The following PKP4 variants were observed in gnomAD, a reference collection of about 807,000 sequenced individuals.
PKP4 encodes plakophilin-4.
Under a neutral mutation model 145.1 loss-of-function variants are expected in PKP4, and 90 were observed. The ratio of observed to expected loss-of-function variants is 0.62; its 90% CI spans 0.52 to 0.74. The LOEUF is 0.74. Among genes scored for constraint, PKP4 ranks in the 30% least tolerant of loss-of-function variants. The probability of loss-of-function intolerance (pLI) is 0.00; values close to 1 mark genes in which losing one functional copy is unlikely to be tolerated. For missense variants in PKP4, 1,340 were observed against 1,482.7 expected (o/e 0.90, Z 1.58); for synonymous variants, 563 against 577.2 (o/e 0.98, Z 0.35).
intron 2 of PKP4, among the ~76,000 whole-genome samples, chr2:158,545,183 T>C (rs182718837): frequency 1.9e-4 from 27 of 141,198 alleles, no homozygotes; most frequent in African/African-American, 5.0e-4. Flanking sequence ...ACTTCCCCCT[T>C]TGGGGGCTCA....
intron 4 of PKP4, among the ~76,000 whole-genome samples, chr2:158,617,873 T>G (rs1196594819): frequency 1.3e-5 from 2 of 152,216 alleles, no homozygotes; most frequent in Non-Finnish European, 2.9e-5. Flanking sequence ...CATTGGGCTC[T>G]ACTAAGGAAA....
chr2:158,571,186 C>T (rs987146109), intron 2 of PKP4, among the ~76,000 whole-genome samples: 1 of 152,160 alleles, frequency 6.6e-6, no homozygotes, highest in Non-Finnish European at 1.5e-5. Context: ...ATTAGCTGGA[C>T]TAACTTGAAG....
chr2:158,613,361 A>G (rs2051308206), intron 4 of PKP4, among the ~76,000 whole-genome samples: 1 of 152,228 alleles, frequency 6.6e-6, no homozygotes, highest in Non-Finnish European at 1.5e-5. Context: ...TCCTGCTGAT[A>G]AATGTAGAAA....
intron 1 of PKP4, among the ~76,000 whole-genome samples, chr2:158,471,939 T>G (rs1454054491): frequency 1.3e-5 from 2 of 152,192 alleles, no homozygotes; most frequent in Non-Finnish European, 2.9e-5. Flanking sequence ...CTGAAAGGTA[T>G]AGAGTAAAAA....
intron 12 of PKP4, 84 bp downstream of exon 12, chr2:158,658,398 A>G (rs1297037605): frequency 3.8e-6 from 3 of 796,274 alleles, no homozygotes; most frequent in East Asian, 5.2e-5. Flanking sequence ...GACTTACTTT[A>G]TTAACATCTA....
chr2:158,621,451 A>G (rs2052228679), intron 6 of PKP4, 30 bp downstream of exon 6: 1 of 1,592,874 alleles, frequency 6.3e-7, no homozygotes, highest in Non-Finnish European at 8.6e-7. Flanking sequence ...ATCTCTGCAA[A>G]GAAATACCTT....
rs2057766092 is a variant in PKP4, at chr2:158,673,736, G to A, written c.2984G>A (p.Arg995Gln). 2 of 1,612,586 alleles carry A rather than the reference G, an allele frequency of 1.2e-6. No individual in the cohort carries two copies. Among genetic ancestry groups the A allele is most frequent in the East Asian group, 2.2e-5 (1 of 44,876 alleles). ...AQVLNTLWQY[R>Q]DLRSIYKKDG... ...GTCTTGAATACATTATGGCAATATCGGGACCTCCGGAGCATTTATAAAAAG... is the reference window on the plus strand; with the variant it reads ...GTCTTGAATACATTATGGCAATATCAGGACCTCCGGAGCATTTATAAAAAG... Residue 995 changes from arginine to glutamine, a missense_variant, in exon 18 of 22, where the codon CGG (arginine) becomes CAG (glutamine). Coordinates refer to ENST00000389759, the MANE Select transcript of PKP4 (RefSeq NM_003628.6).
chr2:158,495,862 T>C lies in PKP4; in HGVS notation c.-5-37318T>C, dbSNP rs555238162. Among the ~76,000 whole-genome samples the C allele has an allele frequency of 3.3e-3, 484 of 148,848 alleles. 1 individual carries two copies. The highest frequency in any genetic ancestry group is 6.0e-3 in the Non-Finnish European group (398 of 66,276). On this transcript the variant is annotated intron_variant, in intron 1 of 21. Coordinates refer to ENST00000389759, the MANE Select transcript of PKP4 (RefSeq NM_003628.6). The stretch of plus-strand genomic sequence containing the variant: ...ATAAATAAATAAATAAATAAATAAA[T>C]AAATAAATAAATAAATAAGAGGGGT...
Position 158,631,950 on chromosome 2 carries a change from C to G in PKP4, c.1342+9C>G. The G allele has an allele frequency of 6.2e-7, 1 of 1,612,234 alleles. No homozygotes were observed. The highest frequency in any genetic ancestry group is 8.5e-7 in the Non-Finnish European group (1 of 1,179,208). On this transcript the variant is annotated intron_variant, in intron 8 of 21. Transcript: ENST00000389759. ...GTATCGCACAGGTTCAGGTGGGCATCAACTCTGTTTACTGGTTTCCTGATT... is the reference window on the plus strand; with the variant it reads ...GTATCGCACAGGTTCAGGTGGGCATGAACTCTGTTTACTGGTTTCCTGATT...
chr2:158,530,271 T>G (rs991258355), intron 1 of PKP4, among the ~76,000 whole-genome samples: 2 of 152,180 alleles, frequency 1.3e-5, no homozygotes, highest in Non-Finnish European at 1.5e-5. Flanking sequence ...TAGTTTGTAA[T>G]GTGAAGAGTC....
chr2:158,611,538 C>T (rs553362407), intron 4 of PKP4, among the ~76,000 whole-genome samples: 1 of 152,204 alleles, frequency 6.6e-6, no homozygotes, highest in African/African-American at 2.4e-5. Flanking sequence ...TTTTTTCCTC[C>T]ATCTGGTGCA....
chr2:158,529,666 G>C (rs2043335668), intron 1 of PKP4, among the ~76,000 whole-genome samples: 1 of 152,168 alleles, frequency 6.6e-6, no homozygotes. Flanking sequence ...TTAGGTTTGG[G>C]CAGTCTTGTT....
At chr2:158,619,031 G>A (rs113731298) in intron 4 of PKP4, among the ~76,000 whole-genome samples, 2,055 of 152,242 alleles carry the variant, frequency 0.013, 40 homozygotes, top group African/African-American at 0.038. Context: ...TTGCTAGTTC[G>A]TATTTGCTTT....
At chr2:158,619,140 T>C (rs937033976) in intron 4 of PKP4, among the ~76,000 whole-genome samples, 1 of 152,208 alleles carries the variant, frequency 6.6e-6, no homozygotes, top group Non-Finnish European at 1.5e-5. Context: ...TCCAATTCCT[T>C]GGTATTTTAC....
At chr2:158,557,099 A>G (rs1239555422) in intron 2 of PKP4, among the ~76,000 whole-genome samples, 1 of 152,100 alleles carries the variant, frequency 6.6e-6, no homozygotes, top group Non-Finnish European at 1.5e-5. Flanking sequence ...TGAGATTAAT[A>G]GTAATATATT....
intron 7 of PKP4, among the ~76,000 whole-genome samples, chr2:158,626,478 T>C (rs1276482178): frequency 6.6e-6 from 1 of 152,228 alleles, no homozygotes; most frequent in Non-Finnish European, 1.5e-5. Context: ...GTACATACAT[T>C]GTTCTCCCTG....
At chr2:158,530,049 A>G (rs1379726133) in intron 1 of PKP4, among the ~76,000 whole-genome samples, 1 of 152,118 alleles carries the variant, frequency 6.6e-6, no homozygotes, top group Non-Finnish European at 1.5e-5. Context: ...TTCCAGCCAC[A>G]TTTCTATGTT....
intron 2 of PKP4, among the ~76,000 whole-genome samples, chr2:158,553,673 T>C (rs2045826752): frequency 6.6e-6 from 1 of 152,184 alleles, no homozygotes; most frequent in Admixed American, 6.5e-5. Flanking sequence ...TTTGAAATTA[T>C]TTGGGAAAGG....
rs2056794412 is a variant in PKP4, at chr2:158,663,462, T to G, written c.2577+17T>G. 2 of 1,596,426 alleles carry G rather than the reference T, an allele frequency of 1.3e-6. No individual in the cohort carries two copies. Among genetic ancestry groups the G allele is most frequent in the Middle Eastern group, 1.7e-4 (1 of 5,988 alleles). On this transcript the variant is annotated intron_variant, in intron 15 of 21. Transcript: ENST00000389759. ...AACTGGAAGGTAGGATGACTTCCACTTATCTACACTTCTTTCCATCTTTGC... is the reference window on the plus strand; with the variant it reads ...AACTGGAAGGTAGGATGACTTCCACGTATCTACACTTCTTTCCATCTTTGC...
Sources: allele counts gnomAD v4.1 joint callset (sites outside exome capture counted in the v4.1 genomes callset), GRCh38; gene constraint gnomAD v4.1.1; transcripts MANE v1.5; gene names NCBI Gene and HGNC (gene_info 2026-07-23, HGNC 2026-07-21).